The following SYT4 variants were observed in gnomAD, a reference collection of about 807,000 sequenced individuals.
SYT4 encodes the protein synaptotagmin-4.
Under a neutral mutation model 32.9 loss-of-function variants are expected in SYT4, and 7 were observed. That is an observed-to-expected ratio of 0.21 (90% CI 0.12 to 0.40). The LOEUF is 0.40. SYT4 is among the 10% of genes least tolerant of loss of function. SYT4 has a pLI of 1.00. For synonymous variants in SYT4, 205 were observed against 186.2 expected, an observed-to-expected ratio of 1.10 and a Z score of -0.82; for missense variants, 480 against 488.0, an observed-to-expected ratio of 0.98 and a Z score of 0.16.
intron 3 of SYT4, among the ~76,000 whole-genome samples, chr18:43,270,906 T>A (rs1908609443): frequency 6.6e-6 from 1 of 151,854 alleles, no homozygotes; most frequent in Admixed American, 6.6e-5. Flanking sequence ...GGAAAAGAAG[T>A]AACACAAAAG....
chr18:43,276,390 A>G (rs1451388358), intron 1 of SYT4, among the ~76,000 whole-genome samples: 2 of 152,188 alleles, frequency 1.3e-5, no homozygotes, highest in African/African-American at 4.8e-5. Flanking sequence ...ACAACCTTCT[A>G]TGAAATTTCA....
At chr18:43,272,390 C>A (rs1010324986) in intron 2 of SYT4, among the ~76,000 whole-genome samples, 5 of 152,054 alleles carry the variant, frequency 3.3e-5, no homozygotes, top group Non-Finnish European at 7.4e-5. Context: ...AATTCTCTGC[C>A]TCTTTCACAA....
chr18:43,277,170 C>A (rs1598666003), intron 1 of SYT4, 78 bp downstream of exon 1: 3 of 1,573,312 alleles, frequency 1.9e-6, no homozygotes, highest in Middle Eastern at 1.7e-4. Context: ...AACAACCGGG[C>A]AAAAAATAAA....
At chr18:43,273,266 A>G (rs971127028) in intron 2 of SYT4, among the ~76,000 whole-genome samples, 4 of 152,106 alleles carry the variant, frequency 2.6e-5, no homozygotes, top group Non-Finnish European at 5.9e-5. Flanking sequence ...ATTCACCTGT[A>G]TTTTAAAGTA....
chr18:43,274,172 G>T lies in SYT4; in HGVS notation c.257C>A (p.Ala86Asp), dbSNP rs1357688057. 1 of 1,614,062 alleles carries T rather than the reference G, an allele frequency of 6.2e-7. No individual in the cohort carries two copies. Among genetic ancestry groups the T allele is most frequent in the Non-Finnish European group, 8.5e-7 (1 of 1,179,956 alleles). The change falls in exon 2 of 4, where the codon GCT becomes GAT. Residue 86 changes from alanine to aspartate, a missense_variant. Coordinates refer to ENST00000255224, the MANE Select transcript of SYT4 (RefSeq NM_020783.4). The stretch of plus-strand genomic sequence containing the variant: ...CAGATGCAATGAATTCTTTGGCACA[G>T]CTGGCTTATTCTTTACTTCATTTTT... ...DDKNEVKNKP[A>D]VPKNSLHLDL...
Position 43,271,779 on chromosome 18 carries a change from T to C in SYT4, c.903A>G (p.Thr301=). 6.2e-7 allele frequency: 1 copy of C among 1,613,346 alleles called. No homozygotes were observed. The highest frequency in any genetic ancestry group is 1.3e-5 in the African/African-American group (1 of 75,026). ...TTAAGACAACCACAGTTAGAGTGTT[T>C]GTGGTGGACTGATAGCAGAGAGAGA... ...LLISLCYQST[T]NTLTVVVLKA... is the part of the protein sequence containing the mutation. The change falls in exon 3 of 4, where the codon ACA becomes ACG. Residue 301 remains threonine (T), a synonymous_variant. Coordinates refer to ENST00000255224, the MANE Select transcript of SYT4 (RefSeq NM_020783.4).
chr18:43,270,459 A>T lies in SYT4; in HGVS notation c.1160T>A (p.Val387Glu), dbSNP rs374809200. ...LDSERGSRNE[V>E]IGQLVLGAAA... ...TGCACCCAAGACTAACTGCCCGATT[A>T]CCTCATTTCGGGACCCCCTTTCAGA... is the stretch of plus-strand genomic sequence containing the variant. Residue 387 changes from valine (V) to glutamate (E), a missense_variant, in exon 4 of 4, where the codon GTA becomes GAA. Coordinates refer to ENST00000255224, the MANE Select transcript of SYT4 (RefSeq NM_020783.4). 6.2e-7 allele frequency: 1 copy of T among 1,614,006 alleles called. No individual in the cohort carries two copies. The highest frequency in any genetic ancestry group is 8.5e-7 in the Non-Finnish European group (1 of 1,179,964).
chr18:43,274,007 G>C lies in SYT4; in HGVS notation c.422C>G (p.Ser141Cys), dbSNP rs759385299. 6.2e-7 allele frequency: 1 copy of C among 1,613,920 alleles called. No individual in the cohort carries two copies. The highest frequency in any genetic ancestry group is 8.5e-7 in the Non-Finnish European group (1 of 1,179,928). The change falls in exon 2 of 4, where the codon TCC (serine) becomes TGC (cysteine). Residue 141 changes from serine to cysteine, a missense_variant. Coordinates refer to ENST00000255224, the MANE Select transcript of SYT4 (RefSeq NM_020783.4). ...CTCTTCTGAAGTAAGGGAAGTGCTG[G>C]ACTTTAAACTCTCAGGGGAAACTGA... The part of the protein sequence containing the change: ...KESVSPESLK[S>C]STSLTSEEKQ...
In SYT4 at chr18:43,274,321, G is replaced by C; in HGVS notation, c.108C>G (p.Ile36Met). ...LVFTVSLFAW[I>M]CCQRKSSKSN... ...ACTTGGATGATTTTCTCTGACAGCA[G>C]ATCCATGCAAAGAGAGAGACTGTGA... is the stretch of plus-strand genomic sequence containing the variant. Residue 36 changes from isoleucine (I) to methionine (M), a missense_variant, in exon 2 of 4, where the codon ATC becomes ATG. Ile to Met is a conservative substitution (Grantham distance 10, BLOSUM62 1). Coordinates refer to ENST00000255224, the MANE Select transcript of SYT4 (RefSeq NM_020783.4). 1 of 1,613,538 alleles carries C rather than the reference G, an allele frequency of 6.2e-7. No homozygotes were observed. The highest frequency in any genetic ancestry group is 2.2e-5 in the East Asian group (1 of 44,826).
rs755963487 is a variant in SYT4, at chr18:43,273,786, A to G, written c.643T>C (p.Leu215=). ...AAGGTCTCATCAAAAGCTGGATCCAAGGTTTTTCTCAGCACTCTAGTTTTC... is the reference window on the plus strand; with the variant it reads ...AAGGTCTCATCAAAAGCTGGATCCAGGGTTTTTCTCAGCACTCTAGTTTTC... The part of the protein sequence containing the change: ...KVKTRVLRKT[L]DPAFDETFTF... The change falls in exon 2 of 4, where the codon TTG becomes CTG. Residue 215 remains leucine (L), a synonymous_variant. Transcript: ENST00000255224. 11 of 1,613,928 alleles carry G rather than the reference A, an allele frequency of 6.8e-6. No individual in the cohort carries two copies. In the South Asian group the frequency reaches 1.1e-4, roughly 16 times the overall value.
chr18:43,274,422 C>T, intron 1 of SYT4, 28 bp from the exon 2 acceptor site: 1 of 1,532,004 alleles, frequency 6.5e-7, no homozygotes, highest in Admixed American at 2.1e-5. Context: ...CAATAATATA[C>T]ATTAAAGAAG....
In SYT4 at chr18:43,277,448, T is replaced by G. The variant is rs766963696; in HGVS notation, c.-167A>C. On this transcript the variant is annotated 5_prime_UTR_variant, in exon 1 of 4. Transcript: ENST00000255224. ...GGCAAAGAGGGAGGTCCACTCGCCC[T>G]CGCACAGTGATTTGCCACCTCGGTT... 1.8e-5 allele frequency: 12 copies of G among 682,970 alleles called. No homozygotes were observed. Among genetic ancestry groups the G allele is most frequent in the Non-Finnish European group, 2.2e-5 (9 of 404,546 alleles). The allele number at this position is 682,970 out of a possible 1,614,324, so 42.3% of individuals were successfully genotyped here.
In SYT4 at chr18:43,269,388, A is replaced by C. The variant is rs1908555567; in HGVS notation, c.*953T>G. 1 of 152,194 alleles carries C rather than the reference A, an allele frequency of 6.6e-6. No homozygotes were observed. Among genetic ancestry groups the C allele is most frequent in the Admixed American group, 6.5e-5 (1 of 15,270 alleles). The allele number at this position is 152,194 out of a possible 1,614,324, so 9.4% of individuals were successfully genotyped here. Reference sequence around the variant, plus strand: ...TCTTAATCTTTTCTGGGGGACAATAAATTAAATGAAGACTTAGGTGGCCAT... The same window carrying C: ...TCTTAATCTTTTCTGGGGGACAATACATTAAATGAAGACTTAGGTGGCCAT... On this transcript the variant is annotated 3_prime_UTR_variant, in exon 4 of 4. Coordinates refer to ENST00000255224, the MANE Select transcript of SYT4 (RefSeq NM_020783.4).
At chr18:43,271,967 A>G in intron 2 of SYT4, 135 bp from the exon 3 acceptor site, 2 of 1,013,972 alleles carry the variant, frequency 2.0e-6, no homozygotes, top group Non-Finnish European at 2.7e-6. Context: ...AAGGAATTGA[A>G]GAGTAACTAA....
chr18:43,271,626 TAGA>T (rs1908632734), intron 3 of SYT4, 83 bp downstream of exon 3: 5 of 1,535,134 alleles, frequency 3.3e-6, no homozygotes, highest in Admixed American at 1.8e-5. Context: ...AGAGAAAAGA[TAGA>T]AGAGTAAGAG....
rs755980080 is a variant in SYT4 at position 43,273,656 on chromosome 18, A to T, written c.773T>A (p.Leu258Gln). The T allele has an allele frequency of 3.1e-6, 5 of 1,613,942 alleles. No individual in the cohort carries two copies. The Admixed American group carries it at 5.0e-5, about 16-fold the overall frequency. Residue 258 changes from leucine (L) to glutamine (Q), a missense_variant, in exon 2 of 4, where the codon CTA (leucine) becomes CAA (glutamine). Physicochemically the swap from Leu to Gln is moderately radical, Grantham distance 113. Coordinates refer to ENST00000255224, the MANE Select transcript of SYT4 (RefSeq NM_020783.4). ...TAATTCAATTCCCGAGAGAGGAATT[A>T]GAACTTCCCCAATGATATCATCTCT... ...FSRDDIIGEV[L>Q]IPLSGIELSE...
Position 43,269,048 on chromosome 18 carries a change from C to A in SYT4, c.*1293G>T, listed in dbSNP as rs984686221. 1.3e-5 allele frequency: 2 copies of A among 152,116 alleles called. No homozygotes were observed. The highest frequency in any genetic ancestry group is 4.8e-5 in the African/African-American group (2 of 41,430). The allele number at this position is 152,116 out of a possible 1,614,324, so 9.4% of individuals were successfully genotyped here. On this transcript the variant is annotated 3_prime_UTR_variant, in exon 4 of 4. Transcript: ENST00000255224. ...ACATTACTCTCAAGCTAATTCTTTT[C>A]AAATAATCACAGGGTGCAGCTTTAA...
At chr18:43,276,617 C>T (rs1011834091) in intron 1 of SYT4, among the ~76,000 whole-genome samples, 6 of 152,112 alleles carry the variant, frequency 3.9e-5, no homozygotes, top group African/African-American at 1.4e-4. Flanking sequence ...TAATACTTCC[C>T]TCATCTCTCT....
chr18:43,269,157 C>T lies in SYT4; in HGVS notation c.*1184G>A, dbSNP rs955460641. On this transcript the variant is annotated 3_prime_UTR_variant, in exon 4 of 4. Coordinates refer to ENST00000255224, the MANE Select transcript of SYT4 (RefSeq NM_020783.4). ...AGTCTGTAAACTGCTCTATAGACAA[C>T]AGCTCAAGACAAATTAGCCTAGAAA... 1.3e-5 allele frequency: 2 copies of T among 152,194 alleles called. No homozygotes were observed. Among genetic ancestry groups the T allele is most frequent in the Non-Finnish European group, 1.5e-5 (1 of 68,034 alleles). 9.4% of individuals were successfully genotyped at this position (152,194 alleles called of 1,614,324 possible). A position where few individuals can be genotyped will look rare whatever the true frequency, so the allele number is the denominator to read the frequency against.
Sources: allele counts gnomAD v4.1 joint callset (sites outside exome capture counted in the v4.1 genomes callset), GRCh38; gene constraint gnomAD v4.1.1; transcripts MANE v1.5; gene names NCBI Gene and HGNC (gene_info 2026-07-23, HGNC 2026-07-21).